Variants in OPCML observed in about 807,000 individuals in gnomAD.
OPCML encodes opioid binding protein/cell adhesion molecule like.
A neutral mutation model predicts 37.8 loss-of-function variants in OPCML; 13 were observed. That is an observed-to-expected ratio of 0.34 (90% CI 0.22 to 0.55). OPCML has a LOEUF of 0.55. OPCML is among the 20% of genes least tolerant of loss of function. OPCML has a pLI of 0.91. For synonymous variants in OPCML, 176 were observed against 168.8 expected, an observed-to-expected ratio of 1.04 and a Z score of -0.33; for missense variants, 341 against 435.6, an observed-to-expected ratio of 0.78 and a Z score of 1.93.
chr11:132,436,948 C>G (rs2096015235), intron 5 of OPCML, 169 bp from the exon 6 acceptor site: 1 of 976,130 alleles, frequency 1.0e-6, no homozygotes, highest in Admixed American at 6.2e-5. Context: ...AAATAAGCTG[C>G]TTGAAGATAC....
intron 1 of OPCML, among the ~76,000 whole-genome samples, chr11:132,975,958 G>A (rs1946453321): frequency 6.6e-6 from 1 of 152,112 alleles, no homozygotes; most frequent in South Asian, 2.1e-4. Flanking sequence ...TTTTAGTAGA[G>A]ACGGGGTTTC....
At chr11:133,401,360 A>G (rs983334965) in intron 1 of OPCML, among the ~76,000 whole-genome samples, 2 of 152,136 alleles carry the variant, frequency 1.3e-5, no homozygotes, top group Non-Finnish European at 2.9e-5. Context: ...GCTTTGTACA[A>G]TATTTTACAA....
intron 2 of OPCML, among the ~76,000 whole-genome samples, chr11:132,863,914 T>C (rs112592264): frequency 0.028 from 3,988 of 140,524 alleles, 163 homozygotes; most frequent in African/African-American, 0.091. Context: ...TTATCACTGA[T>C]TTTTTTTATT....
At chr11:133,426,892 G>A (rs1946014444) in intron 1 of OPCML, among the ~76,000 whole-genome samples, 1 of 152,192 alleles carries the variant, frequency 6.6e-6, no homozygotes, top group Non-Finnish European at 1.5e-5. Context: ...CTTTATAGAT[G>A]CCAAATATTA....
intron 1 of OPCML, among the ~76,000 whole-genome samples, chr11:133,471,189 G>A (rs1015516064): frequency 6.6e-6 from 1 of 152,182 alleles, no homozygotes; most frequent in Non-Finnish European, 1.5e-5. Context: ...AGGGATCACT[G>A]GGAGGTTGGA....
chr11:132,696,998 T>A (rs1353935619), intron 2 of OPCML, among the ~76,000 whole-genome samples: 10 of 152,138 alleles, frequency 6.6e-5, no homozygotes, highest in Non-Finnish European at 4.4e-5. Context: ...AAAATAAATA[T>A]ATTTCCATGC....
chr11:133,273,799 T>C (rs560858874), intron 1 of OPCML, among the ~76,000 whole-genome samples: 1 of 152,210 alleles, frequency 6.6e-6, no homozygotes, highest in East Asian at 1.9e-4. Context: ...ATTGTCGCAT[T>C]GCAAGCCAAT....
At chr11:133,244,450 A>G (rs1940846288) in intron 1 of OPCML, among the ~76,000 whole-genome samples, 1 of 152,154 alleles carries the variant, frequency 6.6e-6, no homozygotes, top group South Asian at 2.1e-4. Flanking sequence ...GGTAGCAAAC[A>G]GTGTGTTCCC....
chr11:133,504,781 T>C (rs1947991166), intron 1 of OPCML, among the ~76,000 whole-genome samples: 1 of 152,186 alleles, frequency 6.6e-6, no homozygotes, highest in Non-Finnish European at 1.5e-5. Flanking sequence ...AGATACCAAA[T>C]TGCCTGATCG....
At chr11:132,554,318 C>T (rs1455379859) in intron 3 of OPCML, among the ~76,000 whole-genome samples, 3 of 152,230 alleles carry the variant, frequency 2.0e-5, no homozygotes, top group Non-Finnish European at 2.9e-5. Context: ...GCTCCCACAT[C>T]GCCCTAAAGG....
chr11:132,608,163 G>A lies in OPCML; in HGVS notation c.379+48924C>T, dbSNP rs533629814. ...ATAAATAAAAATAAGATAAATTATT[G>A]GAAGGGTTCAATAAACCAAAGTATG... is the stretch of plus-strand genomic sequence containing the variant. On this transcript the variant is annotated intron_variant, in intron 3 of 7. Transcript: ENST00000524381. Among the ~76,000 whole-genome samples, 67 of 152,188 alleles carry A rather than the reference G, an allele frequency of 4.4e-4. No individual in the cohort carries two copies. In the Middle Eastern group the frequency reaches 0.02, roughly 46 times the overall value.
chr11:132,762,422 C>A (rs1359419425), intron 2 of OPCML, among the ~76,000 whole-genome samples: 3 of 152,210 alleles, frequency 2.0e-5, no homozygotes, highest in Non-Finnish European at 4.4e-5. Context: ...GCTGCTCTTT[C>A]CCCCAGGTGC....
intron 1 of OPCML, among the ~76,000 whole-genome samples, chr11:133,355,490 G>GA (rs1944263606): frequency 6.6e-6 from 1 of 152,062 alleles, no homozygotes; most frequent in Admixed American, 6.6e-5. Flanking sequence ...AAGAGATTTG[G>GA]AAAAAAACTT....
intron 1 of OPCML, among the ~76,000 whole-genome samples, chr11:133,291,953 A>G (rs1007236901): frequency 3.3e-5 from 5 of 152,262 alleles, no homozygotes; most frequent in African/African-American, 1.2e-4. Context: ...GTGAAGGCAC[A>G]GTGGTAGATT....
intron 1 of OPCML, among the ~76,000 whole-genome samples, chr11:133,313,868 G>A (rs1384221769): frequency 1.3e-5 from 2 of 152,140 alleles, no homozygotes; most frequent in African/African-American, 2.4e-5. Flanking sequence ...TTGTGACAGC[G>A]ATGATAGAAA....
At chr11:133,395,847 G>A (rs2136823629) in intron 1 of OPCML, among the ~76,000 whole-genome samples, 1 of 152,286 alleles carries the variant, frequency 6.6e-6, no homozygotes, top group Admixed American at 6.5e-5. Context: ...TTTTGCTCAA[G>A]ATAGCTTTGG....
At chr11:133,373,125 G>A (rs534691734) in intron 1 of OPCML, among the ~76,000 whole-genome samples, 145 of 152,054 alleles carry the variant, frequency 9.5e-4, no homozygotes, top group Admixed American at 2.4e-3. Context: ...AAGCTCTTAC[G>A]TTATAAAAAC....
chr11:133,224,344 T>C (rs572354380), intron 1 of OPCML, among the ~76,000 whole-genome samples: 50 of 152,296 alleles, frequency 3.3e-4, no homozygotes, highest in African/African-American at 1.1e-3. Flanking sequence ...ATGGGCCTGG[T>C]TGGAGATGGT....
intron 1 of OPCML, among the ~76,000 whole-genome samples, chr11:133,246,514 A>G (rs1007111485): frequency 1.3e-5 from 2 of 152,196 alleles, no homozygotes; most frequent in East Asian, 3.9e-4. Context: ...CACACCTCAG[A>G]TTGATGAAAC....
Sources: gnomAD v4.1 joint callset for allele counts (sites outside exome capture counted in the v4.1 genomes callset) on GRCh38, gnomAD v4.1.1 for gene constraint, MANE v1.5 for transcripts, NCBI Gene and HGNC (gene_info 2026-07-23, HGNC 2026-07-21) for gene names.